The following SETX variants were observed in gnomAD, a reference collection of about 807,000 sequenced individuals.
SETX encodes helicase senataxin.
Under a neutral mutation model 227.2 loss-of-function variants are expected in SETX, and 90 were observed. The observed-to-expected ratio is 0.40, with a 90% CI of 0.33 to 0.47. The LOEUF (loss-of-function observed/expected upper bound fraction) is 0.47, where lower values mean the gene tolerates loss of function less well. SETX is among the 20% of genes least tolerant of loss of function. The probability of loss-of-function intolerance (pLI) is 0.91; values close to 1 mark genes in which losing one functional copy is unlikely to be tolerated. For synonymous variants in SETX, 1,210 were observed against 1,113.2 expected (o/e 1.09, Z -1.73); for missense variants, 3,052 against 3,181.5 (o/e 0.96, Z 0.98).
At position 132,336,254 on chromosome 9, in the gene SETX, A is replaced by G. The variant is rs1007876597; in HGVS notation, c.718+42T>C. The G allele has an allele frequency of 7.8e-6, 12 of 1,530,218 alleles. No individual in the cohort carries two copies. The Admixed American group carries it at 1.2e-4, about 15-fold the overall frequency. The allele number at this position is 1,530,218 out of a possible 1,614,324, so 94.8% of individuals were successfully genotyped here. ...TGAGACTGTCTCAAAAAACAGAACT[A>G]TACGAAAATACCAATTATATTAGTG... On this transcript the variant is annotated intron_variant, in intron 6 of 25. Transcript: ENST00000224140.
intron 19 of SETX, chr9:132,282,786 A>G (rs891907644): frequency 3.1e-5 from 5 of 158,892 alleles, no homozygotes; most frequent in Middle Eastern, 3.3e-3. Flanking sequence ...TGAAAACTGG[A>G]TCTTGGGTCT....
chr9:132,276,170 T>C (rs775835270), intron 22 of SETX, among the ~76,000 whole-genome samples: 2 of 152,290 alleles, frequency 1.3e-5, no homozygotes, highest in South Asian at 4.2e-4. Flanking sequence ...CCCATTCTCC[T>C]AACTTTGAGA....
chr9:132,284,940 G>A (rs949079393), intron 18 of SETX, among the ~76,000 whole-genome samples: 8 of 151,228 alleles, frequency 5.3e-5, no homozygotes, highest in Non-Finnish European at 1.0e-4. Context: ...GTGCAGTGGC[G>A]CGATCTCCAC....
rs765582163 is a variant in SETX, at chr9:132,262,706, C to T, written c.*1533G>A. 5 of 152,504 alleles carry T rather than the reference C, an allele frequency of 3.3e-5. No individual in the cohort carries two copies. Among genetic ancestry groups the T allele is most frequent in the African/African-American group, 4.8e-5 (2 of 41,398 alleles). 9.4% of individuals were successfully genotyped at this position (152,504 alleles called of 1,614,324 possible). ...ATCAAATGCTCAAACTTTTGGCAAC[C>T]GAAAGTTGTTTTTTAAAGCTCTTTA... On this transcript the variant is annotated 3_prime_UTR_variant, in exon 26 of 26. Transcript: ENST00000224140.
In SETX at chr9:132,329,915, C is replaced by G; in HGVS notation, c.1683G>C (p.Lys561Asn). 6.2e-7 allele frequency: 1 copy of G among 1,614,144 alleles called. No individual in the cohort carries two copies. Among genetic ancestry groups the G allele is most frequent in the South Asian group, 1.1e-5 (1 of 91,084 alleles). ...QQSLCKRFWD[K>N]LNLFLRGNLS... is the part of the protein sequence containing the mutation. Reference sequence around the variant, plus strand: ...AATTTCCTCTAAGGAATAAGTTGAGCTTATCCCAGAATCGCTTGCAAAGAG... The same window carrying G: ...AATTTCCTCTAAGGAATAAGTTGAGGTTATCCCAGAATCGCTTGCAAAGAG... The change falls in exon 10 of 26, where the codon AAG (lysine) becomes AAC (asparagine). Residue 561 changes from lysine (K) to asparagine (N), a missense_variant. By Grantham distance (94) the Lys-to-Asn change is moderately conservative. Coordinates refer to ENST00000224140, the MANE Select transcript of SETX (RefSeq NM_015046.7).
intron 12 of SETX, among the ~76,000 whole-genome samples, chr9:132,298,631 T>A (rs1487922714): frequency 6.6e-6 from 1 of 152,088 alleles, no homozygotes; most frequent in South Asian, 2.1e-4. Context: ...GATGAAATAT[T>A]TGAGCAGAGA....
intron 14 of SETX, 148 bp from the exon 15 acceptor site, chr9:132,296,176 A>C: frequency 1.0e-6 from 1 of 998,154 alleles, no homozygotes; most frequent in Admixed American, 2.3e-5. Flanking sequence ...TCTACATCTA[A>C]CACTGATATT....
intron 10 of SETX, among the ~76,000 whole-genome samples, chr9:132,318,635 C>G (rs540234898): frequency 6.6e-6 from 1 of 152,202 alleles, no homozygotes; most frequent in South Asian, 2.1e-4. Flanking sequence ...ATAATTCAGC[C>G]CTAGGGATGG....
intron 23 of SETX, among the ~76,000 whole-genome samples, chr9:132,274,323 G>T (rs1408566195): frequency 6.6e-6 from 1 of 152,122 alleles, no homozygotes. Context: ...AAGCATGTGA[G>T]AATGACTTGT....
At position 132,264,291 on chromosome 9, in the gene SETX, T is replaced by C. The variant is rs199921065; in HGVS notation, c.7982A>G (p.Lys2661Arg). 1.4e-4 allele frequency: 229 copies of C among 1,614,232 alleles called. No individual in the cohort carries two copies. Among genetic ancestry groups the C allele is most frequent in the African/African-American group, 6.8e-4 (51 of 75,062 alleles). Residue 2661 changes from lysine (K) to arginine (R), a missense_variant, in exon 26 of 26, where the codon AAG (lysine) becomes AGG (arginine). Lys to Arg is a conservative substitution (Grantham distance 26). Coordinates refer to ENST00000224140, the MANE Select transcript of SETX (RefSeq NM_015046.7). The part of the protein sequence containing the change: ...HHTRRNSRWD[K>R]RTLEQEDSSS... ...GCTGTCCTCCTGCTCCAGTGTCCTC[T>C]TGTCCCACCTAGAGTTCCTCCTGGT... is the stretch of plus-strand genomic sequence containing the variant.
intron 14 of SETX, among the ~76,000 whole-genome samples, chr9:132,296,323 C>T (rs887646832): frequency 4.6e-5 from 7 of 152,242 alleles, no homozygotes; most frequent in East Asian, 1.9e-4. Flanking sequence ...GAGGCCGAGG[C>T]GGGCGGATCA....
At chr9:132,304,444 T>C (rs941633230) in intron 11 of SETX, among the ~76,000 whole-genome samples, 1 of 151,866 alleles carries the variant, frequency 6.6e-6, no homozygotes, top group Non-Finnish European at 1.5e-5. Context: ...CTTGTAATTG[T>C]GTAAACCATC....
intron 10 of SETX, among the ~76,000 whole-genome samples, chr9:132,312,574 T>A (rs920709774): frequency 1.3e-5 from 2 of 152,254 alleles, no homozygotes; most frequent in Admixed American, 6.5e-5. Flanking sequence ...TGAAGAAACT[T>A]ATCCTCAAAG....
intron 25 of SETX, among the ~76,000 whole-genome samples, chr9:132,265,905 G>A (rs142809863): frequency 2.0e-5 from 3 of 152,050 alleles, no homozygotes; most frequent in East Asian, 3.9e-4. Context: ...CCCAAACCCC[G>A]AATGGCTAAA....
At chr9:132,343,842 A>C (rs531411448) in intron 4 of SETX, among the ~76,000 whole-genome samples, 1 of 152,346 alleles carries the variant, frequency 6.6e-6, no homozygotes, top group Non-Finnish European at 1.5e-5. Context: ...TTTCAAATCT[A>C]GTTACTTTGA....
At chr9:132,337,106 G>C (rs948867085) in intron 5 of SETX, among the ~76,000 whole-genome samples, 1 of 151,562 alleles carries the variant, frequency 6.6e-6, no homozygotes, top group African/African-American at 2.4e-5. Context: ...TTTTTTTTAA[G>C]TCTTTATCTT....
chr9:132,311,916 T>A, intron 10 of SETX, 60 bp from the exon 11 acceptor site: 1 of 1,278,048 alleles, frequency 7.8e-7, no homozygotes, highest in Non-Finnish European at 1.1e-6. Context: ...TGCTAAATAG[T>A]AACATTTTCC....
chr9:132,283,129 T>G (rs1843635945), intron 19 of SETX, 135 bp downstream of exon 19: 3 of 1,088,168 alleles, frequency 2.8e-6, no homozygotes, highest in African/African-American at 1.6e-5. Context: ...CATAAGGGAA[T>G]ACACAGGTAA....
chr9:132,291,302 G>A (rs1368440715), intron 15 of SETX, among the ~76,000 whole-genome samples: 3 of 151,302 alleles, frequency 2.0e-5, no homozygotes, highest in South Asian at 2.1e-4. Flanking sequence ...GAATAGCTGC[G>A]ACTACAGGCG....
Sources: allele counts gnomAD v4.1 joint callset (sites outside exome capture counted in the v4.1 genomes callset), GRCh38; gene constraint gnomAD v4.1.1; transcripts MANE v1.5; gene names NCBI Gene and HGNC (gene_info 2026-07-23, HGNC 2026-07-21).